Variants in LRP1B observed in about 807,000 individuals in gnomAD.
LRP1B encodes the protein LDL receptor related protein 1B, also known as low-density lipoprotein receptor-related protein 1B.
Under a neutral mutation model 556.6 loss-of-function variants are expected in LRP1B, and 217 were observed. The ratio of observed to expected loss-of-function variants is 0.39; its 90% CI spans 0.35 to 0.44. LRP1B has a LOEUF of 0.44. LRP1B is among the 20% of genes least tolerant of loss of function. The probability of loss-of-function intolerance (pLI) is 1.00; values close to 1 mark genes in which losing one functional copy is unlikely to be tolerated. For synonymous variants in LRP1B, 2,047 were observed against 1,865.8 expected, an observed-to-expected ratio of 1.10 and a Z score of -2.50; for missense variants, 5,053 against 5,620.8, an observed-to-expected ratio of 0.90 and a Z score of 3.23.
At chr2:141,019,830 T>C (rs1011696398) in intron 12 of LRP1B, 92 bp downstream of exon 12, 1 of 967,044 alleles carries the variant, frequency 1.0e-6, no homozygotes, top group Non-Finnish European at 1.5e-6. Context: ...CAGCTATACA[T>C]ATGGATTTAA....
At chr2:141,311,050 G>A (rs1262072033) in intron 3 of LRP1B, among the ~76,000 whole-genome samples, 1 of 151,998 alleles carries the variant, frequency 6.6e-6, no homozygotes, top group Non-Finnish European at 1.5e-5. Context: ...CTTCTATCTT[G>A]CCAGCATTTC....
At chr2:141,979,699 A>T (rs545300173) in intron 1 of LRP1B, among the ~76,000 whole-genome samples, 2 of 152,210 alleles carry the variant, frequency 1.3e-5, no homozygotes, top group African/African-American at 4.8e-5. Flanking sequence ...TATTTCAGTG[A>T]CAAAGTCAGG....
intron 66 of LRP1B, among the ~76,000 whole-genome samples, chr2:140,413,243 T>C (rs536400948): frequency 6.6e-6 from 1 of 152,310 alleles, no homozygotes; most frequent in Non-Finnish European, 1.5e-5. Flanking sequence ...AGGTTATATT[T>C]GGAAGCCTAA....
intron 6 of LRP1B, among the ~76,000 whole-genome samples, chr2:141,228,588 T>TGC (rs1683343954): frequency 6.7e-6 from 1 of 148,566 alleles, no homozygotes; most frequent in African/African-American, 2.6e-5. Flanking sequence ...TATGAGTGTG[T>TGC]GTGTGTGTGT....
chr2:140,665,998 T>TAA lies in LRP1B; in HGVS notation c.6799+34251_6799+34252insTT, dbSNP rs1685253725. On this transcript the variant is annotated intron_variant, in intron 41 of 90. Coordinates refer to ENST00000389484, the MANE Select transcript of LRP1B (RefSeq NM_018557.3). Reference sequence around the variant, plus strand: ...CAGTGGAGTAAAAAAAAAAAAATTTTTTTTTTTTTTCCTGAGACGGAGTCT... The same window carrying TAA: ...CAGTGGAGTAAAAAAAAAAAAATTTTAATTTTTTTTTTCCTGAGACGGAGTCT... Among the ~76,000 whole-genome samples, 6 of 139,150 alleles carry TAA rather than the reference T, an allele frequency of 4.3e-5. 1 individual carries two copies. The highest frequency in any genetic ancestry group is 4.3e-4 in the Admixed American group (6 of 14,078). The allele number at this position is 139,150 out of a possible 152,430, so 91.3% of individuals were successfully genotyped here.
chr2:141,468,339 A>G (rs1294220845), intron 3 of LRP1B, among the ~76,000 whole-genome samples: 1 of 152,170 alleles, frequency 6.6e-6, no homozygotes, highest in East Asian at 1.9e-4. Flanking sequence ...ATGGGAACAA[A>G]TGAAACAAAC....
intron 1 of LRP1B, among the ~76,000 whole-genome samples, chr2:142,095,112 T>C (rs1438194752): frequency 1.3e-5 from 2 of 149,496 alleles, no homozygotes; most frequent in East Asian, 2.0e-4. Flanking sequence ...CAACAAAAAA[T>C]AGGTGCGATA....
chr2:140,312,017 C>G (rs939279800), intron 83 of LRP1B, among the ~76,000 whole-genome samples: 2 of 151,676 alleles, frequency 1.3e-5, no homozygotes, highest in Non-Finnish European at 2.9e-5. Flanking sequence ...GGACAGTTAC[C>G]AAGACAGAAA....
chr2:141,875,845 G>T (rs2104883222), intron 1 of LRP1B, among the ~76,000 whole-genome samples: 1 of 151,664 alleles, frequency 6.6e-6, no homozygotes, highest in Middle Eastern at 3.4e-3. Context: ...GTGTAGCGAG[G>T]GTAATATATG....
chr2:141,228,363 GAGA>G (rs1399844010), intron 6 of LRP1B, among the ~76,000 whole-genome samples: 2 of 152,108 alleles, frequency 1.3e-5, no homozygotes, highest in Admixed American at 6.6e-5. Context: ...AGCAGGGAGA[GAGA>G]AGGAGAGAGA....
At chr2:140,499,155 C>T (rs1689075666) in intron 55 of LRP1B, among the ~76,000 whole-genome samples, 1 of 151,808 alleles carries the variant, frequency 6.6e-6, no homozygotes, top group Non-Finnish European at 1.5e-5. Flanking sequence ...TTTCAAGATA[C>T]TTAAAATAAG....
At chr2:140,240,536 T>C (rs1306931112) in intron 87 of LRP1B, among the ~76,000 whole-genome samples, 1 of 113,002 alleles carries the variant, frequency 8.8e-6, no homozygotes, top group Non-Finnish European at 2.2e-5. Context: ...ATATCACTTA[T>C]TATAAGAAGA....
chr2:140,490,482 A>G (rs991088678), intron 57 of LRP1B, among the ~76,000 whole-genome samples: 1 of 152,118 alleles, frequency 6.6e-6, no homozygotes, highest in Non-Finnish European at 1.5e-5. Flanking sequence ...GTGATATTAG[A>G]ATCAATCATT....
At chr2:142,057,688 G>A (rs539792569) in intron 1 of LRP1B, among the ~76,000 whole-genome samples, 1 of 152,228 alleles carries the variant, frequency 6.6e-6, no homozygotes, top group African/African-American at 2.4e-5. Flanking sequence ...CAGATTGTAG[G>A]AGATTATCTC....
rs200477924 is a variant in LRP1B, at chr2:141,648,091, AG to A, written c.205+162187del. Among the ~76,000 whole-genome samples, 75 of 151,994 alleles carry A rather than the reference AG, an allele frequency of 4.9e-4. No homozygotes were observed. In the East Asian group the frequency reaches 6.0e-3, roughly 12 times the overall value. ...TATGGTGAGACGAATCATGTGATTC[AG>A]GAAAAAAAAAATTGTGGAGCAGGAG... On this transcript the variant is annotated intron_variant, in intron 2 of 90. Coordinates refer to ENST00000389484, the MANE Select transcript of LRP1B (RefSeq NM_018557.3).
intron 67 of LRP1B, among the ~76,000 whole-genome samples, chr2:140,381,881 A>T (rs1338943803): frequency 6.8e-6 from 1 of 147,124 alleles, no homozygotes; most frequent in East Asian, 1.9e-4. Context: ...AAAAAAAAAA[A>T]AAAAAGAGGA....
chr2:141,097,950 T>G (rs956092267), intron 7 of LRP1B, among the ~76,000 whole-genome samples: 1 of 152,198 alleles, frequency 6.6e-6, no homozygotes, highest in Non-Finnish European at 1.5e-5. Flanking sequence ...CTAAATATTT[T>G]TATTTTAAAA....
chr2:142,069,477 A>C (rs530200637), intron 1 of LRP1B, among the ~76,000 whole-genome samples: 100 of 65,396 alleles, frequency 1.5e-3, no homozygotes, highest in Admixed American at 7.3e-3. Flanking sequence ...CTGACCAACA[A>C]CAACTTCATC....
chr2:140,471,727 A>G (rs1687777777), intron 60 of LRP1B, among the ~76,000 whole-genome samples: 1 of 152,148 alleles, frequency 6.6e-6, no homozygotes, highest in South Asian at 2.1e-4. Context: ...TAATAACAGC[A>G]CTCCATCAAC....
Sources: gnomAD v4.1 joint callset for allele counts (sites outside exome capture counted in the v4.1 genomes callset) on GRCh38, gnomAD v4.1.1 for gene constraint, MANE v1.5 for transcripts, NCBI Gene and HGNC (gene_info 2026-07-23, HGNC 2026-07-21) for gene names.